The following FBXL13 variants were observed in gnomAD, a reference collection of about 807,000 sequenced individuals.
FBXL13 encodes F-box and leucine rich repeat protein 13.
In FBXL13, 67 loss-of-function variants were observed where a neutral mutation model predicts 83.6. The ratio of observed to expected loss-of-function variants is 0.80; its 90% CI spans 0.66 to 0.98. The LOEUF (loss-of-function observed/expected upper bound fraction) is 0.98. FBXL13 is among the 50% of genes least tolerant of loss of function. The pLI is 0.00. For missense variants in FBXL13, 822 were observed against 866.5 expected (o/e 0.95, Z 0.64); for synonymous variants, 272 against 299.5 (o/e 0.91, Z 0.95).
At position 103,043,909 on chromosome 7, in the gene FBXL13, G is replaced by A. The variant is rs542748809; in HGVS notation, c.-1+11735C>T. Among the ~76,000 whole-genome samples the A allele has an allele frequency of 3.9e-5, 6 of 152,202 alleles. No homozygotes were observed. The East Asian group carries it at 7.7e-4, about 20-fold the overall frequency. On this transcript the variant is annotated intron_variant, in intron 2 of 19. Coordinates refer to ENST00000313221, the Ensembl canonical transcript of FBXL13. Reference sequence around the variant, plus strand: ...TAGTGGTTCTATGGTAATGTTATTCGGAAATCATTATATGCACATTGTAGG... The same window carrying A: ...TAGTGGTTCTATGGTAATGTTATTCAGAAATCATTATATGCACATTGTAGG...
At chr7:102,909,380 G>A (rs779660294) in intron 11 of FBXL13, among the ~76,000 whole-genome samples, 5 of 151,990 alleles carry the variant, frequency 3.3e-5, no homozygotes, top group Admixed American at 6.5e-5. Flanking sequence ...AACCTGCCTC[G>A]GTGCTCTACC....
At chr7:102,897,542 G>A (rs964268504) in intron 11 of FBXL13, among the ~76,000 whole-genome samples, 10 of 152,168 alleles carry the variant, frequency 6.6e-5, no homozygotes, top group African/African-American at 2.4e-4. Flanking sequence ...GCCCTGCACA[G>A]ACTGATTATG....
chr7:103,054,639 C>A (rs1440133120), intron 2 of FBXL13, among the ~76,000 whole-genome samples: 1 of 152,120 alleles, frequency 6.6e-6, no homozygotes, highest in African/African-American at 2.4e-5. Flanking sequence ...ATATTTTGGT[C>A]ATGTCATTAC....
intron 8 of FBXL13, 58 bp downstream of exon 9, chr7:102,963,475 T>A (rs1825602699): frequency 1.9e-6 from 3 of 1,586,912 alleles, no homozygotes; most frequent in African/African-American, 2.7e-5. Context: ...CTTTTCTGTA[T>A]ATTTGTTTAA....
At chr7:102,818,448 C>T (rs1053676316) in intron 19 of FBXL13, among the ~76,000 whole-genome samples, 20 of 152,100 alleles carry the variant, frequency 1.3e-4, no homozygotes, top group African/African-American at 4.1e-4. Context: ...TAGCACAGTA[C>T]GTGGCAAATA....
intron 6 of FBXL13, among the ~76,000 whole-genome samples, chr7:102,977,594 G>C (rs778371167): frequency 1.3e-5 from 2 of 152,062 alleles, no homozygotes; most frequent in African/African-American, 2.4e-5. Context: ...TTTTTCTCCC[G>C]TGTTATCCCA....
intron 6 of FBXL13, among the ~76,000 whole-genome samples, chr7:103,003,410 C>T (rs1413139267): frequency 6.7e-6 from 1 of 149,956 alleles, no homozygotes; most frequent in Non-Finnish European, 1.5e-5. Context: ...GCCTCAGCCT[C>T]CTGAGTAGCT....
intron 19 of FBXL13, among the ~76,000 whole-genome samples, chr7:102,818,858 G>A (rs1273194463): frequency 2.0e-5 from 3 of 152,062 alleles, no homozygotes; most frequent in South Asian, 2.1e-4. Flanking sequence ...ATAGGTAAAC[G>A]TGTGCCATGG....
chr7:103,047,338 C>G (rs1796378464), intron 2 of FBXL13, among the ~76,000 whole-genome samples: 1 of 152,114 alleles, frequency 6.6e-6, no homozygotes, highest in Non-Finnish European at 1.5e-5. Flanking sequence ...GACAAGATAG[C>G]CTTCCTGGTC....
chr7:102,884,846 T>C (rs1337351055), intron 11 of FBXL13, among the ~76,000 whole-genome samples: 1 of 152,214 alleles, frequency 6.6e-6, no homozygotes, highest in East Asian at 1.9e-4. Flanking sequence ...CCTGTCTCCA[T>C]AAATTTACCT....
intron 8 of FBXL13, among the ~76,000 whole-genome samples, chr7:102,941,657 T>C (rs1445635054): frequency 6.6e-6 from 1 of 152,132 alleles, no homozygotes; most frequent in Non-Finnish European, 1.5e-5. Flanking sequence ...CCAAAGGTCC[T>C]TGGGCAAGTG....
intron 6 of FBXL13, among the ~76,000 whole-genome samples, chr7:103,022,414 G>T (rs11768949): frequency 0.56 from 84,549 of 151,596 alleles, 26,664 homozygotes; most frequent in Non-Finnish European, 0.7. Context: ...CACCAACATG[G>T]CACATGTATA....
At chr7:102,923,967 C>T (rs111660573) in intron 10 of FBXL13, among the ~76,000 whole-genome samples, 6 of 152,062 alleles carry the variant, frequency 3.9e-5, no homozygotes, top group African/African-American at 1.4e-4. Context: ...AGGCTGGGCG[C>T]AGTGGCTCAC....
chr7:102,892,132 G>A (rs921010446), intron 11 of FBXL13, among the ~76,000 whole-genome samples: 5 of 152,158 alleles, frequency 3.3e-5, no homozygotes, highest in Non-Finnish European at 7.3e-5. Context: ...TATGTTTCCA[G>A]AAAGAATAAA....
intron 18 of FBXL13, among the ~76,000 whole-genome samples, chr7:102,825,749 C>A (rs1054107740): frequency 6.6e-6 from 1 of 152,146 alleles, no homozygotes; most frequent in African/African-American, 2.4e-5. Flanking sequence ...ATAAATGATA[C>A]CTCAAATAAT....
At chr7:102,944,854 T>C (rs1005798205) in intron 8 of FBXL13, 6 of 399,590 alleles carry the variant, frequency 1.5e-5, no homozygotes, top group Non-Finnish European at 2.2e-5. Context: ...CCTGCAGCAG[T>C]TGGGTCCTAA....
chr7:102,976,024 G>A, intron 6 of FBXL13: 1 of 766,448 alleles, frequency 1.3e-6, no homozygotes, highest in Admixed American at 1.7e-5. Flanking sequence ...AAACCCACGA[G>A]GCCATGCCCC....
At chr7:102,891,495 C>T (rs1811529534) in intron 11 of FBXL13, among the ~76,000 whole-genome samples, 1 of 152,226 alleles carries the variant, frequency 6.6e-6, no homozygotes, top group African/African-American at 2.4e-5. Flanking sequence ...GTATCGTTTA[C>T]AGTACAGCAC....
chr7:102,998,806 A>G (rs1379043930), intron 6 of FBXL13, among the ~76,000 whole-genome samples: 1 of 151,866 alleles, frequency 6.6e-6, no homozygotes, highest in Non-Finnish European at 1.5e-5. Context: ...ATCTCTACAA[A>G]TAAAATAATA....
Sources: allele counts gnomAD v4.1 joint callset (sites outside exome capture counted in the v4.1 genomes callset), GRCh38; gene constraint gnomAD v4.1.1; transcripts MANE v1.5; gene names NCBI Gene and HGNC (gene_info 2026-07-23, HGNC 2026-07-21).